Variants in NOXRED1 observed in about 807,000 individuals in gnomAD.
The protein encoded by NOXRED1 is NADP-dependent oxidoreductase domain-containing protein 1.
A neutral mutation model predicts 30.4 loss-of-function variants in NOXRED1; 20 were observed. The ratio of observed to expected loss-of-function variants is 0.66; its 90% confidence interval spans 0.46 to 0.96. The LOEUF is 0.96. NOXRED1 is among the 40% of genes least tolerant of loss of function. NOXRED1 has a pLI of 0.00. For missense variants in NOXRED1, 374 were observed against 428.0 expected (o/e 0.87, Z 1.11); for synonymous variants, 155 against 168.0 (o/e 0.92, Z 0.60).
At chr14:77,417,591 G>T (rs1017389070) in intron 1 of NOXRED1, among the ~76,000 whole-genome samples, 1 of 152,138 alleles carries the variant, frequency 6.6e-6, no homozygotes, top group Non-Finnish European at 1.5e-5. Context: ...GACTACTCCT[G>T]TTCTTTTTTG....
chr14:77,406,089 C>T lies in NOXRED1; in HGVS notation c.729G>A (p.Ala243=), dbSNP rs770124963. 29 of 1,613,588 alleles carry T rather than the reference C, an allele frequency of 1.8e-5. No homozygotes were observed. The Admixed American group carries it at 3.3e-4, about 19-fold the overall frequency. ...TTCTTGCTGTGCATATGTTTAGGGC[C>T]GCATAGAACACTCCCTCCAACCACT... ...NIKWLEGVFY[A]ALNICTARNM... Residue 243 remains alanine (A), a synonymous_variant, in exon 5 of 6, where the codon GCG becomes GCA. Transcript: ENST00000380835.
chr14:77,408,892 A>ATTTTTTTTTTTTTTTTTTTTTTTTT lies in NOXRED1; in HGVS notation c.350-1248_350-1247insAAAAAAAAAAAAAAAAAAAAAAAAA. Among the ~76,000 whole-genome samples, 351 of 68,174 alleles carry ATTTTTTTTTTTTTTTTTTTTTTTTT rather than the reference A, an allele frequency of 5.1e-3. 121 individuals carry two copies. The highest frequency in any genetic ancestry group is 0.012 in the South Asian group (15 of 1,288). 44.7% of individuals were successfully genotyped at this position (68,174 alleles called of 152,430 possible). ...GCATAAAAACACTCACTGGTAGTTA[A>ATTTTTTTTTTTTTTTTTTTTTTTTT]TTTTTTTTTTTTTTTTTTTTGGCTA... On this transcript the variant is annotated intron_variant, in intron 2 of 5. Coordinates refer to ENST00000380835, the MANE Select transcript of NOXRED1 (RefSeq NM_001113475.3).
intron 2 of NOXRED1, among the ~76,000 whole-genome samples, chr14:77,410,255 A>G (rs1894613890): frequency 6.6e-6 from 1 of 152,158 alleles, no homozygotes; most frequent in African/African-American, 2.4e-5. Flanking sequence ...CATTAGAGTG[A>G]CACCCTGTCT....
chr14:77,405,396 A>G (rs1204505749), intron 5 of NOXRED1, among the ~76,000 whole-genome samples: 3 of 152,168 alleles, frequency 2.0e-5, no homozygotes, highest in Non-Finnish European at 4.4e-5. Flanking sequence ...CTGTCTCACA[A>G]AATAAAATAA....
intron 2 of NOXRED1, 98 bp from the exon 3 acceptor site, chr14:77,407,743 A>T (rs1894517096): frequency 1.2e-6 from 1 of 804,122 alleles, no homozygotes; most frequent in East Asian, 2.5e-5. Flanking sequence ...TAGCTCAGTA[A>T]ATCAACCCAT....
chr14:77,408,892 A>ATTTTTTTTTT (rs1177680524), intron 2 of NOXRED1, among the ~76,000 whole-genome samples: 26,965 of 66,830 alleles, frequency 0.4, 9,300 homozygotes, highest in East Asian at 0.65. Flanking sequence ...CTGGTAGTTA[A>ATTTTTTTTTT]TTTTTTTTTT....
chr14:77,394,760 A>T lies in NOXRED1; in HGVS notation c.951T>A (p.Thr317=). The T allele has an allele frequency of 6.2e-7, 1 of 1,613,728 alleles. No individual in the cohort carries two copies. Among genetic ancestry groups the T allele is most frequent in the South Asian group, 1.1e-5 (1 of 91,072 alleles). ...FDLTAVQLKE[T]PFSQHLSSSP... ...TACTTGAGAGATGCTGGCTAAACGG[A>T]GTTTCCTTGAGTTGCACAGCAGTCA... The change falls in exon 6 of 6, where the codon ACT becomes ACA. Residue 317 remains threonine, a synonymous_variant. Transcript: ENST00000380835.
intron 1 of NOXRED1, among the ~76,000 whole-genome samples, chr14:77,414,469 G>A (rs958160897): frequency 1.3e-5 from 2 of 152,016 alleles, no homozygotes; most frequent in African/African-American, 2.4e-5. Context: ...GAGAGCCACC[G>A]CACCCGGCCT....
intron 1 of NOXRED1, among the ~76,000 whole-genome samples, chr14:77,415,308 G>T (rs1894781206): frequency 6.6e-6 from 1 of 151,320 alleles, no homozygotes; most frequent in Non-Finnish European, 1.5e-5. Flanking sequence ...GGTAGCTGAT[G>T]CCTGTAATCC....
rs1315320811 is a variant in NOXRED1 at position 77,422,767 on chromosome 14, T to C, written c.123A>G (p.Ala41=). 1.9e-6 allele frequency: 3 copies of C among 1,614,156 alleles called. No homozygotes were observed. In the South Asian group the frequency reaches 3.3e-5, roughly 18 times the overall value. ...RGLMIEACAH[A]TFFCKLLYNL... is the part of the protein sequence containing the mutation. ...TATATAATAGTTTGCAGAAGAAGGT[T>C]GCATGGGCACAAGCCTCGATCATCA... Residue 41 remains alanine (A), a synonymous_variant, in exon 1 of 6, where the codon GCA becomes GCG. Transcript: ENST00000380835.
chr14:77,395,250 C>T (rs1028726002), intron 5 of NOXRED1, among the ~76,000 whole-genome samples: 54 of 150,996 alleles, frequency 3.6e-4, no homozygotes, highest in African/African-American at 1.3e-3. Context: ...GGACTACAGG[C>T]GCCCGCCACT....
chr14:77,403,746 G>A (rs958428758), intron 5 of NOXRED1, among the ~76,000 whole-genome samples: 1 of 152,048 alleles, frequency 6.6e-6, no homozygotes, highest in African/African-American at 2.4e-5. Context: ...CTACATCATG[G>A]CACATCATAA....
intron 2 of NOXRED1, 54 bp from the exon 3 acceptor site, chr14:77,407,699 A>T: frequency 8.3e-7 from 1 of 1,210,422 alleles, no homozygotes; most frequent in Non-Finnish European, 1.2e-6. Context: ...GTTTGACCTG[A>T]ACATCAACTA....
At chr14:77,416,494 T>G (rs560261529) in intron 1 of NOXRED1, among the ~76,000 whole-genome samples, 18 of 152,166 alleles carry the variant, frequency 1.2e-4, no homozygotes, top group African/African-American at 2.4e-4. Context: ...ATACAGCACA[T>G]GTTTCAGAGA....
In NOXRED1 at chr14:77,407,867, C is replaced by CTTT. The variant is rs556726067; in HGVS notation, c.350-225_350-223dup. Among the ~76,000 whole-genome samples, 425 of 137,650 alleles carry CTTT rather than the reference C, an allele frequency of 3.1e-3. 7 individuals carry two copies. The highest frequency in any genetic ancestry group is 0.018 in the South Asian group (75 of 4,272). The allele number at this position is 137,650 out of a possible 152,430, so 90.3% of individuals were successfully genotyped here. A position where few individuals can be genotyped will look rare whatever the true frequency, so the allele number is the denominator to read the frequency against. ...AGTAGTACTTGAAATTATAATTCAT[C>CTTT]TTTTTTTTTTTTTTTTTTGAGACGG... On this transcript the variant is annotated intron_variant, in intron 2 of 5. Transcript: ENST00000380835.
At chr14:77,414,474 C>T (rs566449948) in intron 1 of NOXRED1, among the ~76,000 whole-genome samples, 11 of 152,126 alleles carry the variant, frequency 7.2e-5, no homozygotes, top group Admixed American at 1.3e-4. Context: ...CCACCGCACC[C>T]GGCCTAGTTC....
chr14:77,400,395 T>C (rs1439510826), intron 5 of NOXRED1, among the ~76,000 whole-genome samples: 1 of 152,228 alleles, frequency 6.6e-6, no homozygotes, highest in Non-Finnish European at 1.5e-5. Flanking sequence ...AAAGTTTATT[T>C]TGCCGAGGTT....
In NOXRED1 at chr14:77,409,468, A is replaced by G. The variant is rs541180597; in HGVS notation, c.350-1823T>C. 1.9e-4 allele frequency among the ~76,000 whole-genome samples: 29 copies of G among 152,290 alleles called. No individual in the cohort carries two copies. The East Asian group carries it at 4.2e-3, about 22-fold the overall frequency. Reference sequence around the variant, plus strand: ...TGACTGTAAGTTTCCTGAGGCCTTCACAGCCATGCAGAACTGTGAGTCAAT... The same window carrying G: ...TGACTGTAAGTTTCCTGAGGCCTTCGCAGCCATGCAGAACTGTGAGTCAAT... On this transcript the variant is annotated intron_variant, in intron 2 of 5. Transcript: ENST00000380835.
intron 1 of NOXRED1, among the ~76,000 whole-genome samples, chr14:77,414,372 G>T (rs1272160384): frequency 2.0e-5 from 3 of 151,922 alleles, no homozygotes; most frequent in African/African-American, 7.3e-5. Context: ...GTAGAAACAG[G>T]GTTTCACTGT....
Sources: allele counts gnomAD v4.1 joint callset (sites outside exome capture counted in the v4.1 genomes callset), GRCh38; gene constraint gnomAD v4.1.1; transcripts MANE v1.5; gene names NCBI Gene and HGNC (gene_info 2026-07-23, HGNC 2026-07-21).